UBE3A: variants seen among roughly 807,000 people sequenced by gnomAD.
UBE3A encodes ubiquitin protein ligase E3A, also known as ubiquitin-protein ligase E3A.
In UBE3A, 6 loss-of-function variants were observed where a neutral mutation model predicts 83.4. The observed-to-expected ratio is 0.07, with a 90% CI of 0.04 to 0.14. The LOEUF (loss-of-function observed/expected upper bound fraction) is 0.14. Among genes scored for constraint, UBE3A ranks in the 10% least tolerant of loss-of-function variants. The probability of loss-of-function intolerance (pLI) is 1.00; values close to 1 mark genes in which losing one functional copy is unlikely to be tolerated. For synonymous variants in UBE3A, 337 were observed against 355.4 expected (o/e 0.95, Z 0.58); for missense variants, 456 against 1,036.1 (o/e 0.44, Z 7.69).
chr15:25,385,661 A>G (rs955932365), intron 4 of UBE3A, among the ~76,000 whole-genome samples: 3 of 152,120 alleles, frequency 2.0e-5, no homozygotes, highest in African/African-American at 7.2e-5. Context: ...CTGAGATAGG[A>G]TAAGTGAGGT....
intron 4 of UBE3A, among the ~76,000 whole-genome samples, chr15:25,378,859 A>G (rs1434857664): frequency 6.6e-6 from 1 of 152,186 alleles, no homozygotes; most frequent in African/African-American, 2.4e-5. Flanking sequence ...AGGCAGACCA[A>G]GTTTCTTGAG....
rs587782912 is a variant in UBE3A, at chr15:25,339,288, A to C, written c.2499-31T>G. 6.2e-7 allele frequency: 1 copy of C among 1,608,020 alleles called. No homozygotes were observed. Among genetic ancestry groups the C allele is most frequent in the African/African-American group, 1.3e-5 (1 of 74,922 alleles). On this transcript the variant is annotated intron_variant, in intron 12 of 12. Coordinates refer to ENST00000648336, the MANE Select transcript of UBE3A (RefSeq NM_130839.5). ...TAGAGAAAAGGGGAAAAAAACAGGAAAACTGTAAGTCATGGGAAATACACT... is the reference window on the plus strand; with the variant it reads ...TAGAGAAAAGGGGAAAAAAACAGGACAACTGTAAGTCATGGGAAATACACT...
intron 1 of UBE3A, among the ~76,000 whole-genome samples, chr15:25,415,521 A>G (rs556062840): frequency 2.6e-4 from 39 of 152,214 alleles, no homozygotes; most frequent in Non-Finnish European, 2.1e-4. Flanking sequence ...ATGGTCCTCT[A>G]TCCATTACTA....
chr15:25,359,900 T>C (rs1317356833), intron 7 of UBE3A, among the ~76,000 whole-genome samples: 7 of 152,202 alleles, frequency 4.6e-5, no homozygotes, highest in Non-Finnish European at 7.3e-5. Flanking sequence ...ACACTACCTA[T>C]ATTAAGCCCC....
At chr15:25,364,653 T>TG (rs2078752460) in intron 6 of UBE3A, among the ~76,000 whole-genome samples, 1 of 150,022 alleles carries the variant, frequency 6.7e-6, no homozygotes, top group South Asian at 2.1e-4. Context: ...TTGTTTTTTT[T>TG]TTTTTTTTGA....
chr15:25,385,226 A>T (rs1160633630), intron 4 of UBE3A, among the ~76,000 whole-genome samples: 1 of 152,242 alleles, frequency 6.6e-6, no homozygotes, highest in Non-Finnish European at 1.5e-5. Context: ...AATATCCAGA[A>T]TATATAAATA....
At chr15:25,435,564 C>T (rs772066719) in intron 1 of UBE3A, among the ~76,000 whole-genome samples, 9 of 152,076 alleles carry the variant, frequency 5.9e-5, no homozygotes, top group Non-Finnish European at 1.2e-4. Context: ...CCCTATAGAG[C>T]CCCGTCTACT....
chr15:25,397,983 AAG>A (rs1445290133), intron 4 of UBE3A, among the ~76,000 whole-genome samples: 4 of 152,072 alleles, frequency 2.6e-5, no homozygotes, highest in African/African-American at 9.7e-5. Context: ...CTATCTTTGT[AAG>A]AGTTTCACTC....
At chr15:25,429,568 G>C (rs1038464795) in intron 1 of UBE3A, among the ~76,000 whole-genome samples, 1 of 152,024 alleles carries the variant, frequency 6.6e-6, no homozygotes, top group Admixed American at 6.6e-5. Flanking sequence ...TATGATACAG[G>C]CTGGACGCAG....
At chr15:25,400,048 G>A (rs1201608599) in intron 4 of UBE3A, among the ~76,000 whole-genome samples, 1 of 152,110 alleles carries the variant, frequency 6.6e-6, no homozygotes, top group Non-Finnish European at 1.5e-5. Flanking sequence ...CTAGTTCTGT[G>A]AAATTTAACA....
intron 7 of UBE3A, among the ~76,000 whole-genome samples, chr15:25,357,902 C>CT (rs35596421): frequency 0.036 from 3,440 of 95,746 alleles, 186 homozygotes; most frequent in African/African-American, 0.07. Flanking sequence ...ATCATGGAGG[C>CT]TTTTTTTTTT....
At chr15:25,414,250 C>T (rs914658536) in intron 1 of UBE3A, among the ~76,000 whole-genome samples, 1 of 152,132 alleles carries the variant, frequency 6.6e-6, no homozygotes, top group Non-Finnish European at 1.5e-5. Context: ...CTTTCTCCCC[C>T]TCATTTTTAT....
Position 25,339,010 on chromosome 15 carries a change from T to G in UBE3A, c.*127A>C, listed in dbSNP as rs548858630. On this transcript the variant is annotated 3_prime_UTR_variant, in exon 13 of 13. Coordinates refer to ENST00000648336, the MANE Select transcript of UBE3A (RefSeq NM_130839.5). ...TAGGTGACTACTGTGGTTGACTATCTTACAGCCTTTTTGTACTGGGACACT... is the reference window on the plus strand; with the variant it reads ...TAGGTGACTACTGTGGTTGACTATCGTACAGCCTTTTTGTACTGGGACACT... 206 of 1,128,518 alleles carry G rather than the reference T, an allele frequency of 1.8e-4. 3 individuals carry two copies. The South Asian group carries it at 3.7e-3, about 20-fold the overall frequency. 69.9% of individuals were successfully genotyped at this position (1,128,518 alleles called of 1,614,324 possible).
intron 4 of UBE3A, among the ~76,000 whole-genome samples, chr15:25,386,653 C>T (rs560869690): frequency 1.3e-5 from 2 of 151,394 alleles, no homozygotes; most frequent in Admixed American, 6.6e-5. Flanking sequence ...GGGCATAAAA[C>T]GTTGTAATTA....
chr15:25,353,040 T>A (rs527758760), intron 11 of UBE3A, among the ~76,000 whole-genome samples: 1 of 152,314 alleles, frequency 6.6e-6, no homozygotes, highest in South Asian at 2.1e-4. Context: ...CATCAAGATA[T>A]GACTTTTTTT....
At chr15:25,378,846 C>A (rs2081670076) in intron 4 of UBE3A, among the ~76,000 whole-genome samples, 1 of 152,158 alleles carries the variant, frequency 6.6e-6, no homozygotes, top group Non-Finnish European at 1.5e-5. Context: ...TCTGGTACCA[C>A]AAAGGCAGAC....
chr15:25,343,613 G>C (rs1397714359), intron 11 of UBE3A, among the ~76,000 whole-genome samples: 1 of 151,906 alleles, frequency 6.6e-6, no homozygotes, highest in East Asian at 1.9e-4. Flanking sequence ...GCATATCAAA[G>C]CATAATAACG....
At chr15:25,405,654 GT>G in intron 3 of UBE3A, 152 bp from the exon 4 acceptor site, 1 of 783,112 alleles carries the variant, frequency 1.3e-6, no homozygotes. Context: ...AAAGAAAGTG[GT>G]CAGATCAGGT....
chr15:25,339,496 A>G, intron 12 of UBE3A: 1 of 383,720 alleles, frequency 2.6e-6, no homozygotes, highest in Non-Finnish European at 4.7e-6. Context: ...ACTACATAAC[A>G]GATACCATTT....
Sources: allele counts gnomAD v4.1 joint callset (sites outside exome capture counted in the v4.1 genomes callset), GRCh38; gene constraint gnomAD v4.1.1; transcripts MANE v1.5; gene names NCBI Gene and HGNC (gene_info 2026-07-23, HGNC 2026-07-21).